The following ADGRB3 variants were observed in gnomAD, a reference collection of about 807,000 sequenced individuals.
ADGRB3 encodes brain-specific angiogenesis inhibitor 3.
ADGRB3 carries 37 observed loss-of-function variants against 193.4 expected under a neutral mutation model. The observed-to-expected ratio is 0.19, with a 90% confidence interval of 0.15 to 0.25. ADGRB3 has a LOEUF of 0.25. Among genes scored for constraint, ADGRB3 ranks in the 10% least tolerant of loss-of-function variants. ADGRB3 has a pLI of 1.00. For synonymous variants in ADGRB3, 690 were observed against 644.2 expected (o/e 1.07, Z -1.08); for missense variants, 1,637 against 1,852.9 (o/e 0.88, Z 2.14).
chr6:68,898,768 A>G (rs1259709559), intron 3 of ADGRB3, among the ~76,000 whole-genome samples: 1 of 152,136 alleles, frequency 6.6e-6, no homozygotes, highest in African/African-American at 2.4e-5. Flanking sequence ...CCTTGATGTG[A>G]TGTGATGAGA....
chr6:68,713,661 C>T (rs1320346628), intron 3 of ADGRB3, among the ~76,000 whole-genome samples: 2 of 150,996 alleles, frequency 1.3e-5, no homozygotes, highest in Admixed American at 1.3e-4. Flanking sequence ...TCTTTTTGCC[C>T]CTACATTGTA....
At chr6:69,092,110 A>G (rs934372054) in intron 17 of ADGRB3, among the ~76,000 whole-genome samples, 26 of 152,136 alleles carry the variant, frequency 1.7e-4, no homozygotes, top group Non-Finnish European at 2.9e-4. Flanking sequence ...AGACTTCTTC[A>G]CCTTTGTTAG....
intron 11 of ADGRB3, among the ~76,000 whole-genome samples, chr6:68,997,328 C>G (rs968031874): frequency 6.6e-6 from 1 of 151,668 alleles, no homozygotes; most frequent in African/African-American, 2.4e-5. Flanking sequence ...CTTTTGAAGG[C>G]CTTTAATATG....
chr6:69,289,181 A>G (rs1012161761), intron 20 of ADGRB3, among the ~76,000 whole-genome samples: 2 of 152,198 alleles, frequency 1.3e-5, no homozygotes, highest in African/African-American at 4.8e-5. Context: ...GTAAAAGAAG[A>G]TGGCAGCACA....
At chr6:68,650,997 G>A (rs1220444147) in intron 3 of ADGRB3, among the ~76,000 whole-genome samples, 1 of 152,158 alleles carries the variant, frequency 6.6e-6, no homozygotes, top group Non-Finnish European at 1.5e-5. Context: ...AAATTGTAAT[G>A]TAAAAAGAGG....
At chr6:69,074,126 C>T (rs888383299) in intron 16 of ADGRB3, among the ~76,000 whole-genome samples, 1 of 144,016 alleles carries the variant, frequency 6.9e-6, no homozygotes, top group Non-Finnish European at 1.5e-5. Context: ...GAATGGGAAA[C>T]AAAAACAAAT....
At chr6:68,798,440 G>A (rs1436463981) in intron 3 of ADGRB3, among the ~76,000 whole-genome samples, 1 of 151,002 alleles carries the variant, frequency 6.6e-6, no homozygotes, top group Non-Finnish European at 1.5e-5. Flanking sequence ...AAAACGTAAA[G>A]CTGTTTGGTT....
intron 8 of ADGRB3, among the ~76,000 whole-genome samples, chr6:68,958,655 G>A (rs575153750): frequency 7.9e-5 from 12 of 151,482 alleles, no homozygotes; most frequent in Non-Finnish European, 1.6e-4. Flanking sequence ...CTTAAGGCAG[G>A]TTAAAAAAAT....
chr6:68,963,741 G>A (rs991138750), intron 8 of ADGRB3, among the ~76,000 whole-genome samples: 7 of 152,072 alleles, frequency 4.6e-5, no homozygotes, highest in African/African-American at 1.7e-4. Context: ...CATCCATTAA[G>A]AGATGTCTGC....
chr6:69,051,533 G>A (rs1013435453), intron 15 of ADGRB3, among the ~76,000 whole-genome samples: 2 of 152,142 alleles, frequency 1.3e-5, no homozygotes, highest in Non-Finnish European at 2.9e-5. Flanking sequence ...ACAATAGAAT[G>A]CTCAGGATGA....
At chr6:69,292,220 C>T (rs942160155) in intron 20 of ADGRB3, among the ~76,000 whole-genome samples, 1 of 151,986 alleles carries the variant, frequency 6.6e-6, no homozygotes, top group East Asian at 1.9e-4. Context: ...TTTTAGATGC[C>T]TCAACCATGA....
chr6:68,778,335 A>G (rs1766790303), intron 3 of ADGRB3, among the ~76,000 whole-genome samples: 1 of 152,112 alleles, frequency 6.6e-6, no homozygotes, highest in Admixed American at 6.6e-5. Context: ...ATCTCTTTAT[A>G]TCAATTCTTT....
At chr6:68,851,239 T>G (rs1487845596) in intron 3 of ADGRB3, among the ~76,000 whole-genome samples, 1 of 149,924 alleles carries the variant, frequency 6.7e-6, no homozygotes, top group Non-Finnish European at 1.5e-5. Flanking sequence ...CTTTGCCTCC[T>G]TCTGTCTCTC....
rs1410249501 is a variant in ADGRB3 at position 69,114,631 on chromosome 6, T to TCAA, written c.2480+38593_2480+38594insCAA. On this transcript the variant is annotated intron_variant, in intron 17 of 31. Coordinates refer to ENST00000370598, the MANE Select transcript of ADGRB3 (RefSeq NM_001704.3). Reference sequence around the variant, plus strand: ...TTGCCTAGGCTTTCTTCTAGGGTTTTTATGGTTTTAGGTCTTATGTTTAAG... The same window carrying TCAA: ...TTGCCTAGGCTTTCTTCTAGGGTTTTCAATATGGTTTTAGGTCTTATGTTTAAG... Among the ~76,000 whole-genome samples, 234 of 152,320 alleles carry TCAA rather than the reference T, an allele frequency of 1.5e-3. 3 individuals carry two copies. Among genetic ancestry groups the TCAA allele is most frequent in the African/African-American group, 5.2e-3 (217 of 41,580 alleles).
Position 69,145,050 on chromosome 6 carries a change from A to G in ADGRB3, c.2480+69012A>G, listed in dbSNP as rs191020266. Among the ~76,000 whole-genome samples the G allele has an allele frequency of 2.5e-3, 381 of 152,274 alleles. 1 individual carries two copies. Among genetic ancestry groups the G allele is most frequent in the Non-Finnish European group, 4.6e-3 (311 of 68,022 alleles). On this transcript the variant is annotated intron_variant, in intron 17 of 31. Transcript: ENST00000370598. ...GTAGGATTGATATTAGTGTTACAGGATCCTTTGGGTGTCACTTCATTAGCC... is the reference window on the plus strand; with the variant it reads ...GTAGGATTGATATTAGTGTTACAGGGTCCTTTGGGTGTCACTTCATTAGCC...
At chr6:69,048,034 T>C (rs1582420901) in intron 13 of ADGRB3, 151 bp from the exon 14 acceptor site, 1 of 849,538 alleles carries the variant, frequency 1.2e-6, no homozygotes, top group Non-Finnish European at 1.8e-6. Context: ...AAATTTTGTC[T>C]AATAAGACAT....
rs1403475772 is a variant in ADGRB3, at chr6:69,014,051, T to C, written c.1943T>C (p.Ile648Thr). 6.3e-7 allele frequency: 1 copy of C among 1,591,402 alleles called. No homozygotes were observed. Among genetic ancestry groups the C allele is most frequent in the East Asian group, 2.2e-5 (1 of 44,486 alleles). Reference sequence around the variant, plus strand: ...TTTAATTTACAGAACTTCTTTCAAATAGTTAGCAACCTTCTAGATGAAGAA... The same window carrying C: ...TTTAATTTACAGAACTTCTTTCAAACAGTTAGCAACCTTCTAGATGAAGAA... ...ASDGVQNFFQ[I>T]VSNLLDEENK... Residue 648 changes from isoleucine to threonine, a missense_variant, in exon 12 of 32, where the codon ATA becomes ACA. This residue lies in a region of ADGRB3 where 641 missense variants were observed against 673.9 expected (regional missense o/e 0.95). Coordinates refer to ENST00000370598, the MANE Select transcript of ADGRB3 (RefSeq NM_001704.3).
chr6:69,375,188 T>G (rs1388392751), intron 30 of ADGRB3, among the ~76,000 whole-genome samples: 2 of 152,148 alleles, frequency 1.3e-5, no homozygotes, highest in Non-Finnish European at 2.9e-5. Context: ...CTATTGTATT[T>G]TGTTTGCTTG....
At chr6:69,093,707 G>T (rs1052933990) in intron 17 of ADGRB3, among the ~76,000 whole-genome samples, 6 of 151,486 alleles carry the variant, frequency 4.0e-5, no homozygotes, top group East Asian at 2.0e-4. Flanking sequence ...ACGTTCAGGG[G>T]CTAGTAGGTG....
Sources: gnomAD v4.1 joint callset for allele counts (sites outside exome capture counted in the v4.1 genomes callset) on GRCh38, gnomAD v4.1.1 for gene constraint, gnomAD v4.1.1 regional missense constraint, MANE v1.5 for transcripts, NCBI Gene and HGNC (gene_info 2026-07-23, HGNC 2026-07-21) for gene names.